Variants in MSI2 observed in about 807,000 individuals in gnomAD.
The protein encoded by MSI2 is musashi RNA binding protein 2, also known as RNA-binding protein Musashi homolog 2.
In MSI2, 17 loss-of-function variants were observed where a neutral mutation model predicts 45.6. The observed-to-expected ratio is 0.37, with a 90% CI of 0.26 to 0.56. The LOEUF is 0.56. Ranked by LOEUF, MSI2 falls within the 20% of genes least tolerant of loss-of-function variation. MSI2 has a pLI of 0.77. For synonymous variants in MSI2, 156 were observed against 158.2 expected (o/e 0.99, Z 0.11); for missense variants, 293 against 444.2 (o/e 0.66, Z 3.06).
chr17:57,610,114 T>C (rs192197496), intron 8 of MSI2, among the ~76,000 whole-genome samples: 83 of 152,006 alleles, frequency 5.5e-4, no homozygotes, highest in African/African-American at 1.9e-3. Flanking sequence ...CGTAAGAAAA[T>C]GCCCTCATGT....
intron 7 of MSI2, among the ~76,000 whole-genome samples, chr17:57,575,850 C>T (rs2144338137): frequency 6.8e-6 from 1 of 146,148 alleles, no homozygotes; most frequent in Non-Finnish European, 1.5e-5. Flanking sequence ...GAGGCTGAGG[C>T]AGGAGAATGG....
chr17:57,403,933 G>GTGCACA lies in MSI2; in HGVS notation c.405+2462_405+2463insTGCACA, dbSNP rs397743101. On this transcript the variant is annotated intron_variant, in intron 6 of 13. Transcript: ENST00000284073. ...TGGTTGAAGGAAACAGAATGAATGTGCACACACACACACACACACACACAC... is the reference window on the plus strand; with the variant it reads ...TGGTTGAAGGAAACAGAATGAATGTGTGCACACACACACACACACACACACACACAC... Among the ~76,000 whole-genome samples, 158 of 149,174 alleles carry GTGCACA rather than the reference G, an allele frequency of 1.1e-3. No individual in the cohort carries two copies. In the South Asian group the frequency reaches 0.014, roughly 13 times the overall value.
intron 11 of MSI2, among the ~76,000 whole-genome samples, chr17:57,655,066 G>A (rs1365773449): frequency 6.6e-6 from 1 of 151,932 alleles, no homozygotes; most frequent in Non-Finnish European, 1.5e-5. Context: ...CAGGGTAGGA[G>A]GTCTGGGGGG....
At chr17:57,663,075 C>T (rs907041792) in intron 11 of MSI2, among the ~76,000 whole-genome samples, 8 of 152,184 alleles carry the variant, frequency 5.3e-5, no homozygotes, top group African/African-American at 1.9e-4. Context: ...GCTGCGAGGA[C>T]CGCTTCTGGA....
chr17:57,332,886 G>A (rs796731315), intron 5 of MSI2, among the ~76,000 whole-genome samples: 12 of 152,220 alleles, frequency 7.9e-5, no homozygotes, highest in African/African-American at 2.9e-4. Context: ...TTAGCTGGGC[G>A]TGGTGGCACA....
At chr17:57,593,080 C>T (rs1348095221) in intron 7 of MSI2, among the ~76,000 whole-genome samples, 1 of 152,116 alleles carries the variant, frequency 6.6e-6, no homozygotes, top group Non-Finnish European at 1.5e-5. Context: ...GGGGCAGTGC[C>T]CTTCAGTGGT....
At position 57,681,807 on chromosome 17, in the gene MSI2, A is replaced by G. The variant is rs544166956; in HGVS notation, c.*2290A>G. 4 of 146,874 alleles carry G rather than the reference A, an allele frequency of 2.7e-5. No individual in the cohort carries two copies. Among genetic ancestry groups the G allele is most frequent in the East Asian group, 2.5e-4 (3 of 12,120 alleles). The allele number at this position is 146,874 out of a possible 1,614,324, so 9.1% of individuals were successfully genotyped here. A position where few individuals can be genotyped will look rare whatever the true frequency, so the allele number is the denominator to read the frequency against. On this transcript the variant is annotated 3_prime_UTR_variant, in exon 14 of 14. Transcript: ENST00000284073. ...TGTTCAAGTCATAAAACAACAAAAC[A>G]TAAGTTTTATTTAAAAAAAAAAAAA...
At chr17:57,331,809 TTCTC>T (rs1407913884) in intron 5 of MSI2, among the ~76,000 whole-genome samples, 5 of 152,328 alleles carry the variant, frequency 3.3e-5, no homozygotes, top group Middle Eastern at 3.4e-3. Flanking sequence ...AATATTAAAC[TTCTC>T]TCTATTTTGT....
At chr17:57,697,805 G>A in the MSI2 span, among the ~76,000 whole-genome samples, 1 of 152,016 alleles carries the variant, frequency 6.6e-6, no homozygotes, top group Non-Finnish European at 1.5e-5. Flanking sequence ...GGGGGAAACC[G>A]CCCCCATGAT....
intron 10 of MSI2, among the ~76,000 whole-genome samples, chr17:57,651,624 C>T (rs1366366183): frequency 1.3e-5 from 2 of 152,222 alleles, no homozygotes; most frequent in Non-Finnish European, 2.9e-5. Flanking sequence ...AGCCAGCTCC[C>T]GGCCAAGGTG....
intron 5 of MSI2, chr17:57,285,918 A>G: frequency 6.5e-7 from 1 of 1,534,042 alleles, no homozygotes; most frequent in Non-Finnish European, 8.7e-7. Context: ...GTACTAAAGA[A>G]TACGTCTTAT....
intron 6 of MSI2, among the ~76,000 whole-genome samples, chr17:57,442,461 G>A (rs189889734): frequency 1.4e-4 from 21 of 152,300 alleles, no homozygotes; most frequent in South Asian, 8.3e-4. Flanking sequence ...TTGTGTGGGC[G>A]TTTATTTTTC....
At chr17:57,421,957 A>AT (rs911199608) in intron 6 of MSI2, among the ~76,000 whole-genome samples, 13 of 152,152 alleles carry the variant, frequency 8.5e-5, no homozygotes, top group Admixed American at 2.6e-4. Flanking sequence ...AGTGTTTGAC[A>AT]TTTTGGGCTT....
chr17:57,292,988 C>T (rs936033021), intron 5 of MSI2, among the ~76,000 whole-genome samples: 2 of 151,998 alleles, frequency 1.3e-5, no homozygotes, highest in Non-Finnish European at 2.9e-5. Context: ...AGAAAAAGAC[C>T]CGTTTAAGTA....
At chr17:57,443,261 C>T (rs1270972553) in intron 6 of MSI2, among the ~76,000 whole-genome samples, 2 of 152,188 alleles carry the variant, frequency 1.3e-5, no homozygotes, top group Non-Finnish European at 2.9e-5. Context: ...CCTGCTTTTC[C>T]TTGGCTCTTC....
At chr17:57,400,547 G>A (rs2083970432) in intron 5 of MSI2, among the ~76,000 whole-genome samples, 1 of 152,100 alleles carries the variant, frequency 6.6e-6, no homozygotes. Flanking sequence ...GTCTGGAGGA[G>A]GAAGTAACTT....
intron 10 of MSI2, among the ~76,000 whole-genome samples, chr17:57,633,430 A>C (rs1909582272): frequency 6.6e-6 from 1 of 152,194 alleles, no homozygotes; most frequent in Non-Finnish European, 1.5e-5. Context: ...TATCGCCCCG[A>C]TGCTCCTTCC....
At chr17:57,694,886 A>G in the MSI2 span, among the ~76,000 whole-genome samples, 3 of 152,260 alleles carry the variant, frequency 2.0e-5, no homozygotes, top group African/African-American at 4.8e-5. Flanking sequence ...AGTGAGTACT[A>G]TGCCAATGCT....
intron 7 of MSI2, among the ~76,000 whole-genome samples, chr17:57,591,888 A>G (rs1295434758): frequency 1.3e-5 from 2 of 152,058 alleles, no homozygotes; most frequent in Non-Finnish European, 2.9e-5. Context: ...GTGATTAAAA[A>G]TGGCTACAAT....
Sources: allele counts gnomAD v4.1 joint callset (sites outside exome capture counted in the v4.1 genomes callset), GRCh38; gene constraint gnomAD v4.1.1; transcripts MANE v1.5; gene names NCBI Gene and HGNC (gene_info 2026-07-23, HGNC 2026-07-21).